The following RRP12 variants were observed in gnomAD, a reference collection of about 807,000 sequenced individuals.
RRP12 encodes RRP12-like protein.
A neutral mutation model predicts 157.3 loss-of-function variants in RRP12; 78 were observed. That is an observed-to-expected ratio of 0.50 (90% confidence interval 0.41 to 0.60). The LOEUF (loss-of-function observed/expected upper bound fraction) is 0.60, where lower values mean the gene tolerates loss of function less well. Ranked by LOEUF, RRP12 falls within the 20% of genes least tolerant of loss-of-function variation. The pLI, the probability that RRP12 is intolerant of heterozygous loss-of-function variation, is 0.00. For missense variants in RRP12, 1,521 were observed against 1,679.9 expected (o/e 0.91, Z 1.65); for synonymous variants, 726 against 670.9 (o/e 1.08, Z -1.27).
At chr10:97,396,149 C>T in intron 3 of RRP12, 69 bp downstream of exon 3, 1 of 1,103,276 alleles carries the variant, frequency 9.1e-7, no homozygotes. Flanking sequence ...GCCAGGGGCA[C>T]TCATCTTCTC....
At chr10:97,372,942 A>G in intron 18 of RRP12, 104 bp downstream of exon 18, 1 of 1,461,744 alleles carries the variant, frequency 6.8e-7, no homozygotes, top group Admixed American at 2.0e-5. Context: ...GTGCTCCAAA[A>G]CACAGAGACC....
chr10:97,380,962 C>T (rs1408147103), intron 12 of RRP12, 49 bp from the exon 13 acceptor site: 8 of 1,451,086 alleles, frequency 5.5e-6, no homozygotes, highest in African/African-American at 2.8e-5. Context: ...CACCCTGTGC[C>T]CCCCACCAGA....
intron 17 of RRP12, 80 bp from the exon 18 acceptor site, chr10:97,373,280 G>T: frequency 6.9e-7 from 1 of 1,448,614 alleles, no homozygotes; most frequent in Non-Finnish European, 9.5e-7. Flanking sequence ...TGGCCCAGAG[G>T]CCCTCTCTTG....
chr10:97,380,520 G>A (rs541934239), intron 13 of RRP12, among the ~76,000 whole-genome samples: 1 of 152,324 alleles, frequency 6.6e-6, no homozygotes, highest in East Asian at 1.9e-4. Flanking sequence ...AAAGATAAGG[G>A]GTGGGGATAA....
intron 13 of RRP12, 67 bp from the exon 14 acceptor site, chr10:97,379,837 G>A (rs768232788): frequency 6.5e-5 from 97 of 1,495,536 alleles, no homozygotes; most frequent in Middle Eastern, 5.0e-4. Flanking sequence ...ACAAGACCCC[G>A]CTGAACGATG....
chr10:97,375,754 T>C (rs1230576697), intron 15 of RRP12, among the ~76,000 whole-genome samples: 1 of 152,206 alleles, frequency 6.6e-6, no homozygotes, highest in African/African-American at 2.4e-5. Context: ...AACTTTAAGT[T>C]ACTAATATGT....
intron 15 of RRP12, among the ~76,000 whole-genome samples, chr10:97,375,261 T>A (rs376174248): frequency 1.5e-4 from 20 of 137,276 alleles, no homozygotes; most frequent in Non-Finnish European, 1.7e-4. Flanking sequence ...CCTGGCTAAC[T>A]AAAAAAAAAA....
rs749995196 is a variant in RRP12 at position 97,360,517 on chromosome 10, G to A, written c.3640+29C>T. On this transcript the variant is annotated intron_variant, in intron 31 of 33. Coordinates refer to ENST00000370992, the MANE Select transcript of RRP12 (RefSeq NM_015179.4). ...TAATGCAGGTGACAGGGATCCATGT[G>A]TCCCAGGAGAGAGGAGTGGAAGCCT... 9 of 1,555,338 alleles carry A rather than the reference G, an allele frequency of 5.8e-6. No individual in the cohort carries two copies. In the Admixed American group the frequency reaches 1.3e-4, roughly 23 times the overall value.
intron 30 of RRP12, 118 bp downstream of exon 30, chr10:97,363,736 T>C: frequency 1.1e-6 from 1 of 916,428 alleles, no homozygotes; most frequent in South Asian, 1.4e-5. Flanking sequence ...CCTGTGAGGA[T>C]GCACCGAGCA....
intron 3 of RRP12, 89 bp downstream of exon 3, chr10:97,396,129 A>G: frequency 1.1e-6 from 1 of 920,184 alleles, no homozygotes; most frequent in Non-Finnish European, 1.8e-6. Flanking sequence ...GTCCTTCTCT[A>G]CCCCCACATG....
chr10:97,371,745 A>G (rs927265915), intron 20 of RRP12: 14 of 247,106 alleles, frequency 5.7e-5, no homozygotes, highest in Admixed American at 9.6e-5. Context: ...AGGCTGCAGC[A>G]GAAGTAGAGA....
rs200477882 is a variant in RRP12, at chr10:97,373,667, C to T, written c.1934G>A (p.Arg645Gln). The T allele has an allele frequency of 5.9e-5, 96 of 1,613,916 alleles. No individual in the cohort carries two copies. Among genetic ancestry groups the T allele is most frequent in the South Asian group, 1.1e-4 (10 of 91,072 alleles). Residue 645 changes from arginine (R) to glutamine (Q), a missense_variant, in exon 17 of 34, where the codon CGG (arginine) becomes CAG (glutamine). Coordinates refer to ENST00000370992, the MANE Select transcript of RRP12 (RefSeq NM_015179.4). ...CTCGCTGATGGCCATGCCCAGCGTC[C>T]GTGCCAGCCCTTTGAAGGAGATGGC... The part of the protein sequence containing the change: ...DVAISFKGLA[R>Q]TLGMAISERP...
chr10:97,387,985 A>T, intron 8 of RRP12: 1 of 417,108 alleles, frequency 2.4e-6, no homozygotes, highest in Non-Finnish European at 4.3e-6. Flanking sequence ...TAGGGTACAT[A>T]GAGCTGGTGC....
At chr10:97,368,171 C>T (rs946063520) in intron 25 of RRP12, among the ~76,000 whole-genome samples, 4 of 151,274 alleles carry the variant, frequency 2.6e-5, no homozygotes, top group Non-Finnish European at 5.9e-5. Flanking sequence ...GCTGGGACTA[C>T]AGGCGCGCAC....
intron 30 of RRP12, 24 bp downstream of exon 30, chr10:97,363,822 GCCCTAGCC>G: frequency 6.3e-7 from 1 of 1,597,498 alleles, no homozygotes; most frequent in Non-Finnish European, 8.6e-7. Flanking sequence ...TAGGTCTGAA[GCCCTAGCC>G]CCCCATCTGC....
At chr10:97,373,471 T>G in intron 17 of RRP12, 104 bp downstream of exon 17, 3 of 1,263,574 alleles carry the variant, frequency 2.4e-6, no homozygotes, top group Non-Finnish European at 3.2e-6. Context: ...GCTCCAGAGG[T>G]GAGTTTCTGT....
In RRP12 at chr10:97,385,496, T is replaced by C. The variant is rs116507748; in HGVS notation, c.1117-239A>G. 2.0e-3 allele frequency among the ~76,000 whole-genome samples: 301 copies of C among 152,028 alleles called. 2 individuals carry two copies. Among genetic ancestry groups the C allele is most frequent in the African/African-American group, 7.0e-3 (291 of 41,472 alleles). On this transcript the variant is annotated intron_variant, in intron 9 of 33. Coordinates refer to ENST00000370992, the MANE Select transcript of RRP12 (RefSeq NM_015179.4). ...CGGAGTATCATGGGTCACACACTCC[T>C]TTGTGAGTCTGACAAAAGCCAGAGG...
intron 29 of RRP12, among the ~76,000 whole-genome samples, chr10:97,364,172 ACTTTT>A (rs1457123021): frequency 6.6e-6 from 1 of 152,032 alleles, no homozygotes; most frequent in Non-Finnish European, 1.5e-5. Flanking sequence ...TTCGTTTGAA[ACTTTT>A]CTTTTCCCAC....
intron 27 of RRP12, 47 bp from the exon 28 acceptor site, chr10:97,366,668 G>A (rs1564750030): frequency 6.3e-7 from 1 of 1,599,126 alleles, no homozygotes; most frequent in South Asian, 1.1e-5. Context: ...GAGAGGCGGG[G>A]GTCAGCGGGT....
Sources: gnomAD v4.1 joint callset for allele counts (sites outside exome capture counted in the v4.1 genomes callset) on GRCh38, gnomAD v4.1.1 for gene constraint, MANE v1.5 for transcripts, NCBI Gene and HGNC (gene_info 2026-07-23, HGNC 2026-07-21) for gene names.